Variants in SFMBT2 observed in about 807,000 individuals in gnomAD.
The protein encoded by SFMBT2 is scm-like with four MBT domains protein 2.
In SFMBT2, 38 loss-of-function variants were observed where a neutral mutation model predicts 110.1. That is an observed-to-expected ratio of 0.35 (90% CI 0.27 to 0.45). SFMBT2 has a LOEUF of 0.45. Among genes scored for constraint, SFMBT2 ranks in the 20% least tolerant of loss-of-function variants. The pLI is 1.00. For missense variants in SFMBT2, 1,011 were observed against 1,094.9 expected (o/e 0.92, Z 1.08); for synonymous variants, 425 against 425.4 (o/e 1.00, Z 0.01).
intron 2 of SFMBT2, among the ~76,000 whole-genome samples, chr10:7,371,920 A>ATTTTTTTTTTTT (rs762872004): frequency 1.3e-5 from 1 of 77,732 alleles, no homozygotes; most frequent in Non-Finnish European, 2.3e-5. Context: ...TCCACCTGTA[A>ATTTTTTTTTTTT]TTTTTTTTTT....
intron 9 of SFMBT2, among the ~76,000 whole-genome samples, chr10:7,237,877 A>G (rs1840306276): frequency 6.6e-6 from 1 of 152,202 alleles, no homozygotes; most frequent in African/African-American, 2.4e-5. Context: ...GGAAGCCCAG[A>G]AAGACGACTT....
chr10:7,348,204 GA>G, intron 4 of SFMBT2: 1 of 1,181,310 alleles, frequency 8.5e-7, no homozygotes. Flanking sequence ...GTTTATGTTT[GA>G]GGGTGGTGGG....
At chr10:7,406,737 G>C (rs1051614013) in intron 1 of SFMBT2, among the ~76,000 whole-genome samples, 5 of 152,218 alleles carry the variant, frequency 3.3e-5, no homozygotes, top group Admixed American at 2.6e-4. Flanking sequence ...TTACTGAAAC[G>C]CATCTCCAGC....
At chr10:7,315,049 AAAGAAAG>A (rs1224468754) in intron 4 of SFMBT2, among the ~76,000 whole-genome samples, 6 of 117,340 alleles carry the variant, frequency 5.1e-5, no homozygotes, top group African/African-American at 1.9e-4. Flanking sequence ...AGAAAGAAAG[AAAGAAAG>A]AAAGAAAGAA....
At chr10:7,399,293 C>T (rs1338821719) in intron 1 of SFMBT2, among the ~76,000 whole-genome samples, 4 of 151,970 alleles carry the variant, frequency 2.6e-5, no homozygotes, top group African/African-American at 4.8e-5. Context: ...AGTGCAGTGG[C>T]GTGATCTTGG....
At position 7,171,285 on chromosome 10, in the gene SFMBT2, C is replaced by T. The variant is rs943119473; in HGVS notation, c.2416-229G>A. ...GTGCCTTCAGATGGAAGAAGGCAGGCACAGTGACAGTCGCTCTTGCATCCC... is the reference window on the plus strand; with the variant it reads ...GTGCCTTCAGATGGAAGAAGGCAGGTACAGTGACAGTCGCTCTTGCATCCC... On this transcript the variant is annotated intron_variant, in intron 19 of 20. Transcript: ENST00000397167. This position sits in a 1 kb window ranked among gnomAD's most constrained non-coding sequence, Gnocchi z 4.9. 1 of 802,224 alleles carries T rather than the reference C, an allele frequency of 1.2e-6. No individual in the cohort carries two copies. The highest frequency in any genetic ancestry group is 1.9e-5 in the African/African-American group (1 of 53,606). 49.7% of individuals were successfully genotyped at this position (802,224 alleles called of 1,614,324 possible).
chr10:7,190,672 A>G (rs1031946980), intron 15 of SFMBT2, among the ~76,000 whole-genome samples: 2 of 152,236 alleles, frequency 1.3e-5, no homozygotes, highest in Non-Finnish European at 2.9e-5. Flanking sequence ...ATGACTAGCC[A>G]CAGTTAGACT....
rs925786613 is a variant in SFMBT2 at position 7,206,089 on chromosome 10, T to G, written c.1331-161A>C. On this transcript the variant is annotated intron_variant, in intron 11 of 20. Coordinates refer to ENST00000397167, the MANE Select transcript of SFMBT2 (RefSeq NM_001387889.1). The stretch of plus-strand genomic sequence containing the variant: ...AATAGCCATATGGAAGAGATGACTT[T>G]AGAGGAGTCTTTAATCTTATCAGAG... 3.0e-6 allele frequency: 3 copies of G among 985,280 alleles called. No homozygotes were observed. In the African/African-American group the frequency reaches 5.2e-5, roughly 17 times the overall value. The allele number at this position is 985,280 out of a possible 1,614,324, so 61.0% of individuals were successfully genotyped here.
At chr10:7,332,889 C>T (rs1380249983) in intron 4 of SFMBT2, among the ~76,000 whole-genome samples, 6 of 152,186 alleles carry the variant, frequency 3.9e-5, no homozygotes, top group African/African-American at 9.7e-5. Context: ...GTTTTTGAGA[C>T]GGACTCTTGC....
intron 7 of SFMBT2, among the ~76,000 whole-genome samples, chr10:7,275,978 C>A (rs1015107622): frequency 3.9e-5 from 6 of 152,268 alleles, no homozygotes; most frequent in Admixed American, 2.0e-4. Context: ...ACATTGAGAA[C>A]TGTCCAAGGA....
intron 1 of SFMBT2, among the ~76,000 whole-genome samples, chr10:7,388,722 A>C (rs1385486258): frequency 6.6e-6 from 1 of 151,954 alleles, no homozygotes; most frequent in Non-Finnish European, 1.5e-5. Context: ...GACCTCAGGA[A>C]GTGATATCTG....
Position 7,367,751 on chromosome 10 carries a change from C to A in SFMBT2, c.334G>T (p.Gly112Trp), listed in dbSNP as rs1291696446. The part of the protein sequence containing the change: ...QLLLLRYCGY[G>W]EDRRADFWCD... ...CAGAAGTCGGCCCTGCGGTCCTCCC[C>A]GTAACCGCAGTAGCGCAGAAGCAGC... Residue 112 changes from glycine to tryptophan, a missense_variant, in exon 4 of 21, where the codon GGG (glycine) becomes TGG (tryptophan). By Grantham distance (184) the Gly-to-Trp change is radical (BLOSUM62 -2). Coordinates refer to ENST00000397167, the MANE Select transcript of SFMBT2 (RefSeq NM_001387889.1). This position sits in a 1 kb window ranked among gnomAD's most constrained non-coding sequence, Gnocchi z 6.2. 6.2e-7 allele frequency: 1 copy of A among 1,614,120 alleles called. No individual in the cohort carries two copies. Among genetic ancestry groups the A allele is most frequent in the Admixed American group, 1.7e-5 (1 of 60,024 alleles).
At chr10:7,319,910 G>A (rs891879544) in intron 4 of SFMBT2, among the ~76,000 whole-genome samples, 1 of 144,088 alleles carries the variant, frequency 6.9e-6, no homozygotes, top group Non-Finnish European at 1.6e-5. Flanking sequence ...GAGAGACTAA[G>A]AGAGAGAGAC....
At chr10:7,279,102 C>A (rs181857700) in intron 6 of SFMBT2, among the ~76,000 whole-genome samples, 1 of 148,640 alleles carries the variant, frequency 6.7e-6, no homozygotes, top group African/African-American at 2.5e-5. Context: ...ACCAAACAAA[C>A]AAGAAAAAAA....
intron 9 of SFMBT2, among the ~76,000 whole-genome samples, chr10:7,232,873 T>C (rs1189524325): frequency 1.3e-5 from 2 of 152,300 alleles, no homozygotes; most frequent in South Asian, 2.1e-4. Flanking sequence ...AAATACACCA[T>C]GACTGCCTCC....
intron 7 of SFMBT2, among the ~76,000 whole-genome samples, chr10:7,265,232 C>T (rs1019510878): frequency 1.4e-4 from 21 of 148,356 alleles, no homozygotes; most frequent in Admixed American, 6.7e-5. Context: ...GATGAAGTCT[C>T]GCTCTGTCTC....
At chr10:7,249,007 G>T (rs1840712994) in intron 7 of SFMBT2, 3 of 496,240 alleles carry the variant, frequency 6.0e-6, no homozygotes, top group Non-Finnish European at 7.8e-6. Context: ...GAAAACACCA[G>T]GTCTCTTGCT....
intron 6 of SFMBT2, among the ~76,000 whole-genome samples, chr10:7,281,466 A>G (rs1049241452): frequency 6.6e-6 from 1 of 152,144 alleles, no homozygotes; most frequent in Non-Finnish European, 1.5e-5. Context: ...GGAAAACGAG[A>G]AAATCGGCCT....
chr10:7,367,409 C>T lies in SFMBT2; in HGVS notation c.436+240G>A, dbSNP rs576608872. 2.2e-4 allele frequency among the ~76,000 whole-genome samples: 33 copies of T among 152,134 alleles called. No individual in the cohort carries two copies. In the South Asian group the frequency reaches 5.4e-3, roughly 25 times the overall value. ...CTCCAAAAGGAATTTAAGGATTAGG[C>T]ATACTTTCAGTTCCGAAAAGCCAAG... On this transcript the variant is annotated intron_variant, in intron 4 of 20. Transcript: ENST00000397167. The surrounding 1 kb of genome is among the most constrained non-coding windows in gnomAD (Gnocchi z 6.2).
Sources: gnomAD v4.1 joint callset for allele counts (sites outside exome capture counted in the v4.1 genomes callset) on GRCh38, gnomAD v4.1.1 for gene constraint, Gnocchi (gnomAD v3.1) non-coding constraint, MANE v1.5 for transcripts, NCBI Gene and HGNC (gene_info 2026-07-23, HGNC 2026-07-21) for gene names.